SLC35F4: variants seen among roughly 807,000 people sequenced by gnomAD.
SLC35F4 encodes chromosome 14 open reading frame 36.
Under a neutral mutation model 44.2 loss-of-function variants are expected in SLC35F4, and 24 were observed. The ratio of observed to expected loss-of-function variants is 0.54; its 90% CI spans 0.39 to 0.76. SLC35F4 has a LOEUF of 0.76. Ranked by LOEUF, SLC35F4 falls within the 30% of genes least tolerant of loss-of-function variation. The pLI, the probability that SLC35F4 is intolerant of heterozygous loss-of-function variation, is 0.00. For synonymous variants in SLC35F4, 238 were observed against 223.6 expected, an observed-to-expected ratio of 1.06 and a Z score of -0.57; for missense variants, 562 against 586.1, an observed-to-expected ratio of 0.96 and a Z score of 0.42.
At chr14:57,655,037 C>A (rs926696514) in intron 1 of SLC35F4, among the ~76,000 whole-genome samples, 5 of 152,066 alleles carry the variant, frequency 3.3e-5, no homozygotes, top group African/African-American at 9.7e-5. Flanking sequence ...TTGAACCATT[C>A]TGGAAATATC....
At chr14:57,970,178 T>A (rs1881010797) in intron 1 of SLC35F4, among the ~76,000 whole-genome samples, 1 of 152,216 alleles carries the variant, frequency 6.6e-6, no homozygotes, top group African/African-American at 2.4e-5. Flanking sequence ...TCAACTAGCA[T>A]GAAATTTAAC....
intron 1 of SLC35F4, among the ~76,000 whole-genome samples, chr14:57,927,963 G>A (rs562517704): frequency 2.0e-4 from 30 of 151,416 alleles, no homozygotes; most frequent in African/African-American, 7.0e-4. Context: ...CTTTTTTTCT[G>A]AACAATTTTT....
At position 57,808,505 on chromosome 14, in the gene SLC35F4, A is replaced by G. The variant is rs1001940059; in HGVS notation, c.103+57218T>C. 3.9e-5 allele frequency among the ~76,000 whole-genome samples: 6 copies of G among 152,024 alleles called. 1 individual carries two copies. Among genetic ancestry groups the G allele is most frequent in the African/African-American group, 7.3e-5 (3 of 41,258 alleles). On this transcript the variant is annotated intron_variant, in intron 1 of 7. Transcript: ENST00000556826. ...GTGCCAAAAATAGCTGTTAATGATT[A>G]TTTGATAACAAAATTTAAAACTTAA...
At chr14:57,872,412 C>T (rs780379027) in intron 1 of SLC35F4, among the ~76,000 whole-genome samples, 1 of 151,856 alleles carries the variant, frequency 6.6e-6, no homozygotes, top group Non-Finnish European at 1.5e-5. Flanking sequence ...AAGAGAGAAG[C>T]TAAAAAGATC....
intron 1 of SLC35F4, among the ~76,000 whole-genome samples, chr14:57,632,362 A>G (rs2072821487): frequency 6.6e-6 from 1 of 152,102 alleles, no homozygotes; most frequent in Non-Finnish European, 1.5e-5. Flanking sequence ...ACATGTTATA[A>G]TAAAAACAAA....
intron 3 of SLC35F4, among the ~76,000 whole-genome samples, chr14:57,581,785 C>G (rs1334552711): frequency 6.6e-6 from 1 of 152,142 alleles, no homozygotes; most frequent in African/African-American, 2.4e-5. Flanking sequence ...GGTGGGCAAA[C>G]GAGAGAGGGT....
At chr14:57,625,104 A>G (rs181029569) in intron 1 of SLC35F4, among the ~76,000 whole-genome samples, 1 of 152,368 alleles carries the variant, frequency 6.6e-6, no homozygotes, top group East Asian at 1.9e-4. Context: ...AACTTCAGCA[A>G]AGTCTCAGGA....
chr14:57,597,035 T>G (rs1045595620), intron 1 of SLC35F4: 2 of 408,790 alleles, frequency 4.9e-6, no homozygotes, highest in Non-Finnish European at 8.6e-6. Context: ...TCCTCTATGG[T>G]CTTGTACCAT....
intron 1 of SLC35F4, among the ~76,000 whole-genome samples, chr14:57,959,110 T>C (rs776915224): frequency 6.6e-6 from 1 of 152,162 alleles, no homozygotes; most frequent in East Asian, 1.9e-4. Context: ...ATTGACCACT[T>C]ACTGCATGCT....
chr14:57,578,530 G>C (rs1412909567), intron 4 of SLC35F4: 1 of 151,710 alleles, frequency 6.6e-6, no homozygotes, highest in African/African-American at 2.4e-5. Flanking sequence ...AATAATTGCT[G>C]ATACTGTCAA....
intron 1 of SLC35F4, among the ~76,000 whole-genome samples, chr14:57,595,111 C>T (rs953062198): frequency 2.0e-5 from 3 of 152,192 alleles, no homozygotes; most frequent in African/African-American, 7.2e-5. Flanking sequence ...ATTCAGGATA[C>T]CACATTACAT....
chr14:57,886,325 G>A (rs1888643606), intron 1 of SLC35F4, among the ~76,000 whole-genome samples: 1 of 152,128 alleles, frequency 6.6e-6, no homozygotes, highest in Non-Finnish European at 1.5e-5. Context: ...GTGTTGGGTA[G>A]GCTGTGTTCT....
At chr14:57,857,276 CA>C (rs931468848) in intron 1 of SLC35F4, among the ~76,000 whole-genome samples, 39 of 143,676 alleles carry the variant, frequency 2.7e-4, no homozygotes, top group East Asian at 6.0e-4. Context: ...GACTTCATCT[CA>C]AAAAAAAAAA....
chr14:57,757,721 A>T (rs901675701), intron 1 of SLC35F4, among the ~76,000 whole-genome samples: 2 of 152,154 alleles, frequency 1.3e-5, no homozygotes, highest in African/African-American at 4.8e-5. Flanking sequence ...TACTTTTGTT[A>T]TAAACCCCAG....
At chr14:57,776,968 A>G (rs182857649) in intron 1 of SLC35F4, among the ~76,000 whole-genome samples, 8 of 152,320 alleles carry the variant, frequency 5.3e-5, no homozygotes, top group South Asian at 2.1e-4. Flanking sequence ...GAAAGGAAAG[A>G]TGGTTATCAG....
chr14:57,589,883 C>G (rs919012403), intron 2 of SLC35F4, among the ~76,000 whole-genome samples: 6 of 152,152 alleles, frequency 3.9e-5, no homozygotes, highest in Non-Finnish European at 8.8e-5. Context: ...AGGCATAACA[C>G]CTCCCATAAG....
At chr14:57,825,011 G>A (rs182201491) in intron 1 of SLC35F4, among the ~76,000 whole-genome samples, 4 of 152,134 alleles carry the variant, frequency 2.6e-5, no homozygotes, top group African/African-American at 9.6e-5. Context: ...CAATATTTCA[G>A]GGGTAAAAAA....
intron 1 of SLC35F4, among the ~76,000 whole-genome samples, chr14:57,658,653 T>A (rs1186744603): frequency 1.3e-5 from 2 of 152,080 alleles, no homozygotes; most frequent in Admixed American, 6.6e-5. Flanking sequence ...TAAACTGAGA[T>A]CCAGTTTAAA....
chr14:57,648,020 C>G (rs1011915475), intron 1 of SLC35F4, among the ~76,000 whole-genome samples: 2 of 152,194 alleles, frequency 1.3e-5, no homozygotes, highest in African/African-American at 4.8e-5. Context: ...GAAGTCTCTT[C>G]CTTTATTGCT....
Sources: allele counts gnomAD v4.1 joint callset (sites outside exome capture counted in the v4.1 genomes callset), GRCh38; gene constraint gnomAD v4.1.1; transcripts MANE v1.5; gene names NCBI Gene and HGNC (gene_info 2026-07-23, HGNC 2026-07-21).